The following PTPRN2 variants were observed in gnomAD, a reference collection of about 807,000 sequenced individuals.
PTPRN2 encodes the protein protein tyrosine phosphatase receptor type N2.
A neutral mutation model predicts 118.8 loss-of-function variants in PTPRN2; 74 were observed. That is an observed-to-expected ratio of 0.62 (90% CI 0.52 to 0.76). PTPRN2 has a LOEUF of 0.76. Among genes scored for constraint, PTPRN2 ranks in the 30% least tolerant of loss-of-function variants. The pLI is 0.00. For synonymous variants in PTPRN2, 641 were observed against 608.0 expected, an observed-to-expected ratio of 1.05 and a Z score of -0.80; for missense variants, 1,481 against 1,394.4, an observed-to-expected ratio of 1.06 and a Z score of -0.99.
intron 14 of PTPRN2, among the ~76,000 whole-genome samples, chr7:157,652,624 C>T (rs1234223853): frequency 6.6e-6 from 1 of 152,200 alleles, no homozygotes; most frequent in Non-Finnish European, 1.5e-5. Context: ...GACGTGTGCT[C>T]TCCCTCTTGT....
chr7:158,559,536 A>G (rs904638234), intron 1 of PTPRN2, among the ~76,000 whole-genome samples: 3 of 152,146 alleles, frequency 2.0e-5, no homozygotes, highest in African/African-American at 7.2e-5. Context: ...TGCAGAGGAG[A>G]TAGGCTGTTC....
intron 12 of PTPRN2, among the ~76,000 whole-genome samples, chr7:157,816,862 T>A (rs559422090): frequency 1.3e-5 from 2 of 152,188 alleles, no homozygotes; most frequent in Non-Finnish European, 2.9e-5. Flanking sequence ...TCCCCCTCCC[T>A]TTCTCCTCCT....
At chr7:157,991,439 C>T (rs1301804302) in intron 11 of PTPRN2, among the ~76,000 whole-genome samples, 1 of 152,214 alleles carries the variant, frequency 6.6e-6, no homozygotes, top group African/African-American at 2.4e-5. Context: ...CTGGTGGAGT[C>T]CTGGCCCCAC....
intron 3 of PTPRN2, among the ~76,000 whole-genome samples, chr7:158,275,836 C>T (rs1386052013): frequency 6.6e-6 from 1 of 152,138 alleles, no homozygotes; most frequent in Non-Finnish European, 1.5e-5. Context: ...ATAAGGTGGC[C>T]TCCTCCCTCC....
intron 11 of PTPRN2, among the ~76,000 whole-genome samples, chr7:157,910,797 G>A (rs751876587): frequency 6.6e-6 from 1 of 152,236 alleles, no homozygotes; most frequent in Non-Finnish European, 1.5e-5. Flanking sequence ...GATCCACTGC[G>A]CGGCAACAAC....
intron 11 of PTPRN2, among the ~76,000 whole-genome samples, chr7:158,040,438 C>A (rs1013391188): frequency 6.6e-6 from 1 of 151,990 alleles, no homozygotes; most frequent in Non-Finnish European, 1.5e-5. Context: ...CATGCACACA[C>A]GTGCACACAC....
intron 11 of PTPRN2, among the ~76,000 whole-genome samples, chr7:158,068,153 G>A (rs1007908362): frequency 5.3e-5 from 8 of 152,188 alleles, no homozygotes; most frequent in Non-Finnish European, 1.0e-4. Context: ...CCATGCCAGC[G>A]GCCCTGACTG....
chr7:157,719,247 C>T (rs1236212460), intron 12 of PTPRN2, among the ~76,000 whole-genome samples: 1 of 152,250 alleles, frequency 6.6e-6, no homozygotes, highest in East Asian at 1.9e-4. Context: ...CTTCCAGGCC[C>T]CTCGTGCCAG....
At chr7:158,328,991 A>G (rs1305025048) in intron 2 of PTPRN2, among the ~76,000 whole-genome samples, 6 of 141,212 alleles carry the variant, frequency 4.2e-5, no homozygotes, top group Non-Finnish European at 3.1e-5. Context: ...AGGTCTTATG[A>G]TGAGATTGTG....
At chr7:158,514,821 G>T (rs1165016162) in intron 1 of PTPRN2, among the ~76,000 whole-genome samples, 1 of 152,166 alleles carries the variant, frequency 6.6e-6, no homozygotes, top group African/African-American at 2.4e-5. Flanking sequence ...TCTCGCAGAT[G>T]TAACAGCCAT....
At chr7:158,173,421 A>G (rs572020721) in intron 5 of PTPRN2, among the ~76,000 whole-genome samples, 39 of 152,316 alleles carry the variant, frequency 2.6e-4, no homozygotes, top group Non-Finnish European at 4.4e-4. Context: ...GCAAGTTTTT[A>G]TTAGGGATTT....
intron 3 of PTPRN2, among the ~76,000 whole-genome samples, chr7:158,210,222 G>A (rs1172426738): frequency 7.3e-6 from 1 of 137,550 alleles, no homozygotes; most frequent in African/African-American, 2.8e-5. Context: ...TGCAAGCTCC[G>A]CCTCCCGGGT....
intron 6 of PTPRN2, among the ~76,000 whole-genome samples, chr7:158,156,420 G>C (rs1286545762): frequency 2.6e-4 from 39 of 152,184 alleles, no homozygotes; most frequent in Admixed American, 2.5e-3. Flanking sequence ...GCTCACCGTG[G>C]ACTGGGTGGC....
At chr7:158,167,365 A>G (rs1823128851) in intron 5 of PTPRN2, 74 bp from the exon 6 acceptor site, 7 of 1,513,864 alleles carry the variant, frequency 4.6e-6, no homozygotes, top group Admixed American at 2.0e-5. Context: ...GATGCCCTTC[A>G]GTCTCAGTTT....
chr7:158,084,107 C>A (rs995616059), intron 10 of PTPRN2, among the ~76,000 whole-genome samples: 1 of 152,132 alleles, frequency 6.6e-6, no homozygotes, highest in Non-Finnish European at 1.5e-5. Flanking sequence ...GCCTAGGAGA[C>A]CCTGGTTTTC....
chr7:158,374,493 G>A (rs1446820972), intron 2 of PTPRN2, among the ~76,000 whole-genome samples: 2 of 152,020 alleles, frequency 1.3e-5, no homozygotes, highest in African/African-American at 4.8e-5. Flanking sequence ...AACAAAACAC[G>A]ATCTGTAAAA....
At chr7:157,819,876 C>T (rs140854463) in intron 12 of PTPRN2, among the ~76,000 whole-genome samples, 1 of 151,770 alleles carries the variant, frequency 6.6e-6, no homozygotes, top group Non-Finnish European at 1.5e-5. Flanking sequence ...GTCACACACA[C>T]GCACACAACA....
intron 21 of PTPRN2, among the ~76,000 whole-genome samples, chr7:157,562,027 G>C (rs1160458969): frequency 6.6e-6 from 1 of 152,184 alleles, no homozygotes; most frequent in South Asian, 2.1e-4. Context: ...GAGGGTGGGG[G>C]ATGCACCCTG....
chr7:158,567,088 A>G (rs1827712157), intron 1 of PTPRN2, among the ~76,000 whole-genome samples: 1 of 152,170 alleles, frequency 6.6e-6, no homozygotes, highest in South Asian at 2.1e-4. Flanking sequence ...TTTCTTCTTC[A>G]TTTTTTCTGA....
Sources: gnomAD v4.1 joint callset for allele counts (sites outside exome capture counted in the v4.1 genomes callset) on GRCh38, gnomAD v4.1.1 for gene constraint, MANE v1.5 for transcripts, NCBI Gene and HGNC (gene_info 2026-07-23, HGNC 2026-07-21) for gene names.